HIP1R: variants seen among roughly 807,000 people sequenced by gnomAD.
The protein encoded by HIP1R is huntingtin-interacting protein 1-related protein.
A neutral mutation model predicts 144.2 loss-of-function variants in HIP1R; 135 were observed. The ratio of observed to expected loss-of-function variants is 0.94; its 90% CI spans 0.81 to 1.08. The LOEUF (loss-of-function observed/expected upper bound fraction) is 1.08. HIP1R is among the 50% of genes least tolerant of loss of function. HIP1R has a pLI of 0.00. For missense variants in HIP1R, 1,462 were observed against 1,432.8 expected (o/e 1.02, Z -0.33); for synonymous variants, 698 against 612.8 (o/e 1.14, Z -2.05).
At position 122,856,023 on chromosome 12, in the gene HIP1R, T is replaced by C; in HGVS notation, c.1172T>C (p.Leu391Pro). 1.9e-6 allele frequency: 3 copies of C among 1,596,752 alleles called. No homozygotes were observed. The highest frequency in any genetic ancestry group is 2.6e-6 in the Non-Finnish European group (3 of 1,171,990). Residue 391 changes from leucine (L) to proline (P), a missense_variant, in exon 14 of 32, where the codon CTG (leucine) becomes CCG (proline). This residue lies in a region of HIP1R where 1,112 missense variants were observed against 1,011.7 expected (regional missense o/e 1.10). Transcript: ENST00000253083. ...CAGCTGAAGAGCCAGGTGAATGCAC[T>C]GGAGGGTGAGCTGGAGGAGCAGCGG... ...IAQLKSQVNA[L>P]EGELEEQRKQ...
chr12:122,843,572 C>T (rs902845686), intron 1 of HIP1R, among the ~76,000 whole-genome samples: 1 of 152,216 alleles, frequency 6.6e-6, no homozygotes, highest in African/African-American at 2.4e-5. Flanking sequence ...CCCTGGGCCC[C>T]TGGGTGCCCC....
intron 22 of HIP1R, 46 bp from the exon 23 acceptor site, chr12:122,859,380 C>CGG (rs3215147): frequency 1.5e-4 from 230 of 1,510,884 alleles, no homozygotes; most frequent in East Asian, 6.9e-4. Flanking sequence ...GCCCGTGGGA[C>CGG]GGGGGGGGAC....
At chr12:122,854,707 C>A (rs1453724281) in intron 8 of HIP1R, among the ~76,000 whole-genome samples, 198 bp from the exon 9 acceptor site, 1 of 152,190 alleles carries the variant, frequency 6.6e-6, no homozygotes, top group Non-Finnish European at 1.5e-5. Flanking sequence ...TTCGCTGTTT[C>A]CTTCTCTAGC....
Position 122,859,086 on chromosome 12 carries a change from C to T in HIP1R, c.2184C>T (p.Cys728=), listed in dbSNP as rs367930717. The T allele has an allele frequency of 2.7e-5, 43 of 1,602,790 alleles. No individual in the cohort carries two copies. Among genetic ancestry groups the T allele is most frequent in the Non-Finnish European group, 3.1e-5 (37 of 1,175,494 alleles). The change falls in exon 22 of 32, where the codon TGC becomes TGT. Residue 728 remains cysteine, a synonymous_variant. Transcript: ENST00000253083. The part of the protein sequence containing the change: ...ADRLIDTCRE[C]GARALELMGQ... ...GCCTCATAGACACCTGCAGGGAGTG[C>T]GGGGCCCGGGCTCTGGAGCTCATGG...
At chr12:122,857,987 C>G (rs930368409) in intron 18 of HIP1R, 115 bp from the exon 19 acceptor site, 2 of 877,222 alleles carry the variant, frequency 2.3e-6, no homozygotes, top group African/African-American at 3.4e-5. Flanking sequence ...ACCCCCCTGA[C>G]CAGTGAGGGT....
chr12:122,848,801 G>A lies in HIP1R; in HGVS notation c.306G>A (p.Leu102=). Residue 102 remains leucine, a synonymous_variant, in exon 4 of 32, where the codon CTG becomes CTA. Transcript: ENST00000253083. ...CCGTATTCCCTGCGCTGCAGGTGCT[G>A]CATGACTGCCAGCGGTACCGCAGCA... ...KVLRDGHPNV[L]HDCQRYRSNI... is the part of the protein sequence containing the mutation. The A allele has an allele frequency of 5.6e-6, 9 of 1,613,240 alleles. No individual in the cohort carries two copies. The highest frequency in any genetic ancestry group is 7.6e-6 in the Non-Finnish European group (9 of 1,179,992).
rs2033661389 is a variant in HIP1R, at chr12:122,858,394, C to T, written c.2009C>T (p.Thr670Ile). The change falls in exon 20 of 32, where the codon ACC (threonine) becomes ATC (isoleucine). Residue 670 changes from threonine to isoleucine, a missense_variant. Transcript: ENST00000253083. ...RAQEALDAVS[T>I]LEEGHAQYLT... ...CAGGAGGCCTTGGATGCCGTGAGCA[C>T]CCTGGAGGAGGGCCACGCCCAGTAC... 1.2e-6 allele frequency: 2 copies of T among 1,611,114 alleles called. No individual in the cohort carries two copies. Among genetic ancestry groups the T allele is most frequent in the Non-Finnish European group, 1.7e-6 (2 of 1,178,538 alleles).
intron 1 of HIP1R, among the ~76,000 whole-genome samples, chr12:122,845,993 T>A (rs1341192638): frequency 6.6e-6 from 1 of 152,238 alleles, no homozygotes; most frequent in Non-Finnish European, 1.5e-5. Context: ...TCTCTGTGTC[T>A]ACAGCCTCTC....
chr12:122,855,952 G>T, intron 13 of HIP1R, 28 bp from the exon 14 acceptor site: 1 of 1,571,902 alleles, frequency 6.4e-7, no homozygotes, highest in Non-Finnish European at 8.6e-7. Context: ...GGCCCAGGCA[G>T]GGCCCCACGT....
Position 122,856,487 on chromosome 12 carries a change from C to A in HIP1R, c.1457C>A (p.Ala486Glu). The change falls in exon 16 of 32, where the codon GCG (alanine) becomes GAG (glutamate). Residue 486 changes from alanine (A) to glutamate (E), a missense_variant. Coordinates refer to ENST00000253083, the MANE Select transcript of HIP1R (RefSeq NM_003959.3). Reference sequence around the variant, plus strand: ...ACGCAGCAAAGCCAGGAGGAGGTGGCGCGGGTGAAGGAGCAGCTGGCCTTC... The same window carrying A: ...ACGCAGCAAAGCCAGGAGGAGGTGGAGCGGGTGAAGGAGCAGCTGGCCTTC... ...TVTQQSQEEV[A>E]RVKEQLAFQV... is the part of the protein sequence containing the mutation. 2 of 1,590,436 alleles carry A rather than the reference C, an allele frequency of 1.3e-6. No homozygotes were observed. Among genetic ancestry groups the A allele is most frequent in the Admixed American group, 1.8e-5 (1 of 55,646 alleles).
chr12:122,835,060 G>C, upstream of HIP1R: 2 of 1,213,348 alleles, frequency 1.6e-6, no homozygotes, highest in African/African-American at 1.6e-5. Flanking sequence ...CCTACCCTGG[G>C]TGGAAGGAGG....
At position 122,859,546 on chromosome 12, in the gene HIP1R, G is replaced by A. The variant is rs2033700463; in HGVS notation, c.2406+10G>A. ...TGTGCGGAGGATTGAGGTGAGCACG[G>A]GATCTGGGGACTCCCCTCATTCCTG... is the stretch of plus-strand genomic sequence containing the variant. On this transcript the variant is annotated intron_variant, in intron 23 of 31. Transcript: ENST00000253083. 3 of 1,599,190 alleles carry A rather than the reference G, an allele frequency of 1.9e-6. No individual in the cohort carries two copies. Among genetic ancestry groups the A allele is most frequent in the Non-Finnish European group, 2.6e-6 (3 of 1,167,458 alleles).
rs1356419575 is a variant in HIP1R, at chr12:122,848,791, T to G, written c.301-5T>G. 1 of 1,613,102 alleles carries G rather than the reference T, an allele frequency of 6.2e-7. No individual in the cohort carries two copies. The highest frequency in any genetic ancestry group is 8.5e-7 in the Non-Finnish European group (1 of 1,179,976). ...TCCCCCACTCCCGTATTCCCTGCGCTGCAGGTGCTGCATGACTGCCAGCGG... is the reference window on the plus strand; with the variant it reads ...TCCCCCACTCCCGTATTCCCTGCGCGGCAGGTGCTGCATGACTGCCAGCGG... On this transcript the variant is annotated splice_region_variant and splice_polypyrimidine_tract_variant and intron_variant, in intron 3 of 31. Transcript: ENST00000253083.
chr12:122,851,732 T>C (rs1421169512), intron 7 of HIP1R, among the ~76,000 whole-genome samples: 1 of 151,242 alleles, frequency 6.6e-6, no homozygotes, highest in East Asian at 1.9e-4. Flanking sequence ...CTGGGGTCCC[T>C]GCACCTCCAG....
chr12:122,843,050 T>G (rs995624946), intron 1 of HIP1R, among the ~76,000 whole-genome samples: 2 of 152,224 alleles, frequency 1.3e-5, no homozygotes, highest in Non-Finnish European at 2.9e-5. Context: ...CCCAAGGCCT[T>G]CGTTAACTTG....
In HIP1R at chr12:122,851,314, G is replaced by T. The variant is rs2033388072; in HGVS notation, c.577+17G>T. On this transcript the variant is annotated intron_variant, in intron 7 of 31. Transcript: ENST00000253083. ...CTGAATCAGGTGAGCCGTAAAGAGG[G>T]GATGCGGGGGTCTGAGTGTATTGCT... 2 of 1,531,042 alleles carry T rather than the reference G, an allele frequency of 1.3e-6. No homozygotes were observed. Among genetic ancestry groups the T allele is most frequent in the East Asian group, 5.0e-5 (2 of 40,076 alleles). 94.8% of individuals were successfully genotyped at this position (1,531,042 alleles called of 1,614,324 possible). A position where few individuals can be genotyped will look rare whatever the true frequency, so the allele number is the denominator to read the frequency against.
At position 122,856,280 on chromosome 12, in the gene HIP1R, G is replaced by A. The variant is rs1372273933; in HGVS notation, c.1337G>A (p.Arg446His). ...AERKASATEA[R>H]YNKLKEKHSE... ...GGGAAGGCCAGTGCCACGGAGGCGC[G>A]CTACAACAAGCTGAAGGAAAAGCAC... The change falls in exon 15 of 32, where the codon CGC becomes CAC. Residue 446 changes from arginine (R) to histidine (H), a missense_variant. This residue lies in a region of HIP1R where 1,112 missense variants were observed against 1,011.7 expected (regional missense o/e 1.10). Transcript: ENST00000253083. 11 of 1,613,720 alleles carry A rather than the reference G, an allele frequency of 6.8e-6. No homozygotes were observed. The highest frequency in any genetic ancestry group is 6.7e-5 in the East Asian group (3 of 44,878).
intron 31 of HIP1R, 58 bp downstream of exon 31, chr12:122,861,572 G>A: frequency 6.3e-7 from 1 of 1,576,160 alleles, no homozygotes; most frequent in Non-Finnish European, 8.6e-7. Flanking sequence ...CCCAGCCCTA[G>A]AGGGGCACAT....
rs770373885 is a variant in HIP1R at position 122,855,976 on chromosome 12, G to T, written c.1129-4G>T. On this transcript the variant is annotated splice_region_variant and splice_polypyrimidine_tract_variant and intron_variant, in intron 13 of 31. Coordinates refer to ENST00000253083, the MANE Select transcript of HIP1R (RefSeq NM_003959.3). ...AGGGCCCCACGTCACACCTCCTCCC[G>T]CAGGCCCAGCGGTACATCGCGCAGC... The T allele has an allele frequency of 1.3e-6, 2 of 1,582,082 alleles. No homozygotes were observed. The highest frequency in any genetic ancestry group is 1.2e-5 in the South Asian group (1 of 86,494).
Sources: gnomAD v4.1 joint callset for allele counts (sites outside exome capture counted in the v4.1 genomes callset) on GRCh38, gnomAD v4.1.1 for gene constraint, gnomAD v4.1.1 regional missense constraint, MANE v1.5 for transcripts, NCBI Gene and HGNC (gene_info 2026-07-23, HGNC 2026-07-21) for gene names.